The following KCNH7 variants were observed in gnomAD, a reference collection of about 807,000 sequenced individuals.
KCNH7 encodes the protein potassium voltage-gated channel subfamily H member 7, also known as voltage-gated inwardly rectifying potassium channel KCNH7.
KCNH7 carries 49 observed loss-of-function variants against 120.8 expected under a neutral mutation model. The observed-to-expected ratio is 0.41, with a 90% confidence interval of 0.32 to 0.51. The LOEUF (loss-of-function observed/expected upper bound fraction) is 0.51. Among genes scored for constraint, KCNH7 ranks in the 20% least tolerant of loss-of-function variants. The pLI, the probability that KCNH7 is intolerant of heterozygous loss-of-function variation, is 0.38. For missense variants in KCNH7, 1,097 were observed against 1,446.6 expected, an observed-to-expected ratio of 0.76 and a Z score of 3.92; for synonymous variants, 547 against 516.1, an observed-to-expected ratio of 1.06 and a Z score of -0.81.
intron 2 of KCNH7, among the ~76,000 whole-genome samples, chr2:162,686,938 T>G (rs371976866): frequency 6.7e-6 from 1 of 148,960 alleles, no homozygotes; most frequent in South Asian, 2.2e-4. Flanking sequence ...TATGGGACAG[T>G]TATTTTTAGA....
chr2:162,807,944 A>T (rs941224806), intron 2 of KCNH7, among the ~76,000 whole-genome samples: 1 of 152,132 alleles, frequency 6.6e-6, no homozygotes, highest in African/African-American at 2.4e-5. Context: ...GGCCTCCCAA[A>T]GTGCTGGGAT....
chr2:162,400,701 C>A (rs1687042495), intron 9 of KCNH7, among the ~76,000 whole-genome samples: 1 of 151,890 alleles, frequency 6.6e-6, no homozygotes, highest in South Asian at 2.1e-4. Context: ...ATAATGCCTA[C>A]AACTTTTCAC....
intron 2 of KCNH7, among the ~76,000 whole-genome samples, chr2:162,611,037 G>A (rs73028505): frequency 0.013 from 1,997 of 152,288 alleles, 55 homozygotes; most frequent in African/African-American, 0.046. Context: ...TACAGCATAT[G>A]AGAGTAAATT....
At chr2:162,739,720 G>A (rs1418744216) in intron 2 of KCNH7, among the ~76,000 whole-genome samples, 2 of 152,198 alleles carry the variant, frequency 1.3e-5, no homozygotes, top group Non-Finnish European at 1.5e-5. Flanking sequence ...GCTTGGTCTG[G>A]CCATAGGGGT....
chr2:162,592,268 A>G (rs11900766), intron 2 of KCNH7, among the ~76,000 whole-genome samples: 6,593 of 152,128 alleles, frequency 0.043, 287 homozygotes, highest in East Asian at 0.11. Flanking sequence ...TCAGAGTTAT[A>G]TTAAGGCAAG....
intron 2 of KCNH7, among the ~76,000 whole-genome samples, chr2:162,618,749 G>A (rs183276821): frequency 1.3e-5 from 2 of 152,248 alleles, no homozygotes; most frequent in African/African-American, 4.8e-5. Flanking sequence ...CTTAATAAAT[G>A]TCTCTGATTT....
chr2:162,785,194 A>C (rs1411536257), intron 2 of KCNH7: 1 of 152,232 alleles, frequency 6.6e-6, no homozygotes, highest in Non-Finnish European at 1.5e-5. Flanking sequence ...TTTAAGAATC[A>C]ACTTAAAATG....
At chr2:162,519,904 A>G (rs1451611966) in intron 3 of KCNH7, among the ~76,000 whole-genome samples, 2 of 151,804 alleles carry the variant, frequency 1.3e-5, no homozygotes, top group Non-Finnish European at 2.9e-5. Context: ...ACATGGAAGA[A>G]CACTCTCAAA....
At chr2:162,734,083 G>GT (rs142572171) in intron 2 of KCNH7, among the ~76,000 whole-genome samples, 76 of 148,112 alleles carry the variant, frequency 5.1e-4, no homozygotes, top group African/African-American at 8.9e-4. Flanking sequence ...CAAAATTTAT[G>GT]TTTTTTTTTT....
chr2:162,825,837 GTCT>G (rs1685264928), intron 2 of KCNH7, among the ~76,000 whole-genome samples: 2 of 152,020 alleles, frequency 1.3e-5, no homozygotes, highest in Non-Finnish European at 2.9e-5. Context: ...TGCTGCCCTG[GTCT>G]TGTTAAAAAC....
intron 2 of KCNH7, among the ~76,000 whole-genome samples, chr2:162,687,151 G>A (rs1267707089): frequency 2.0e-5 from 3 of 151,920 alleles, no homozygotes; most frequent in Non-Finnish European, 2.9e-5. Flanking sequence ...GGTCAGCCTC[G>A]GGTCATATTC....
Position 162,435,346 on chromosome 2 carries a change from A to G in KCNH7, c.1806T>C (p.Ser602=), listed in dbSNP as rs2105521516. The change falls in exon 8 of 16, where the codon AGT becomes AGC. Residue 602 remains serine, a synonymous_variant. Transcript: ENST00000332142. ...TAATGGATGGTCCAGAACTTGAGTCACTGTCATTGTAACGTTTCCCAATTT... is the reference window on the plus strand; with the variant it reads ...TAATGGATGGTCCAGAACTTGAGTCGCTGTCATTGTAACGTTTCCCAATTT... ...GQQIGKRYND[S]DSSSGPSIKD... 1 of 1,613,884 alleles carries G rather than the reference A, an allele frequency of 6.2e-7. No individual in the cohort carries two copies. Among genetic ancestry groups the G allele is most frequent in the East Asian group, 2.2e-5 (1 of 44,862 alleles).
intron 8 of KCNH7, among the ~76,000 whole-genome samples, chr2:162,426,897 A>G (rs928357927): frequency 6.6e-6 from 1 of 151,988 alleles, no homozygotes; most frequent in Non-Finnish European, 1.5e-5. Flanking sequence ...TTAGACAACC[A>G]CCGAGCTCCT....
intron 2 of KCNH7, among the ~76,000 whole-genome samples, chr2:162,539,472 G>C (rs914766390): frequency 3.9e-5 from 6 of 151,980 alleles, no homozygotes; most frequent in Admixed American, 3.9e-4. Flanking sequence ...GATCTAATAG[G>C]CTTGTAATAG....
At chr2:162,800,987 A>G (rs2105542858) in intron 2 of KCNH7, among the ~76,000 whole-genome samples, 1 of 152,004 alleles carries the variant, frequency 6.6e-6, no homozygotes, top group Non-Finnish European at 1.5e-5. Context: ...AGAAAGGATA[A>G]ATGCTACATA....
chr2:162,514,722 A>G (rs6727695), intron 4 of KCNH7, among the ~76,000 whole-genome samples: 5,287 of 151,738 alleles, frequency 0.035, 403 homozygotes, highest in Admixed American at 0.18. Flanking sequence ...TCACAAATGT[A>G]TTGGTCAGTG....
At chr2:162,620,084 T>C (rs1683291345) in intron 2 of KCNH7, among the ~76,000 whole-genome samples, 1 of 151,160 alleles carries the variant, frequency 6.6e-6, no homozygotes, top group African/African-American at 2.4e-5. Context: ...TGTGTATATA[T>C]ATTCTCTCTA....
At chr2:162,395,092 T>C (rs1378401395) in intron 11 of KCNH7, among the ~76,000 whole-genome samples, 1 of 151,848 alleles carries the variant, frequency 6.6e-6, no homozygotes, top group African/African-American at 2.4e-5. Context: ...ATACATTTTA[T>C]AAAAATATAC....
intron 2 of KCNH7, among the ~76,000 whole-genome samples, chr2:162,557,959 A>G (rs566664753): frequency 6.6e-6 from 1 of 152,282 alleles, no homozygotes; most frequent in Admixed American, 6.5e-5. Context: ...AAAGTTAATA[A>G]AAGAGGGAAG....
Sources: allele counts gnomAD v4.1 joint callset (sites outside exome capture counted in the v4.1 genomes callset), GRCh38; gene constraint gnomAD v4.1.1; transcripts MANE v1.5; gene names NCBI Gene and HGNC (gene_info 2026-07-23, HGNC 2026-07-21).